Variants in E2F7 observed in about 807,000 individuals in gnomAD.
E2F7 encodes E2F transcription factor 7, also known as transcription factor E2F7.
Under a neutral mutation model 81.1 loss-of-function variants are expected in E2F7, and 35 were observed. The observed-to-expected ratio is 0.43, with a 90% CI of 0.33 to 0.57. E2F7 has a LOEUF of 0.57. Among genes scored for constraint, E2F7 ranks in the 20% least tolerant of loss-of-function variants. The pLI, the probability that E2F7 is intolerant of heterozygous loss-of-function variation, is 0.04. For synonymous variants in E2F7, 416 were observed against 416.2 expected (o/e 1.00, Z 0.01); for missense variants, 961 against 1,093.7 (o/e 0.88, Z 1.71).
intron 9 of E2F7, among the ~76,000 whole-genome samples, chr12:77,032,727 A>C (rs983374757): frequency 1.3e-5 from 2 of 152,188 alleles, no homozygotes; most frequent in African/African-American, 4.8e-5. Flanking sequence ...GGCAAAACCA[A>C]CTATGATAAT....
At chr12:77,064,966 C>A (rs1018438653) in intron 1 of E2F7, among the ~76,000 whole-genome samples, 1 of 152,126 alleles carries the variant, frequency 6.6e-6, no homozygotes, top group African/African-American at 2.4e-5. Context: ...ACAGGGTCTC[C>A]CAGGTCAGTT....
intron 8 of E2F7, 101 bp downstream of exon 8, chr12:77,033,756 A>G: frequency 1.6e-6 from 2 of 1,214,976 alleles, no homozygotes; most frequent in Non-Finnish European, 2.2e-6. Flanking sequence ...CAGGGCTGAG[A>G]GTCAGTTTGT....
chr12:77,052,772 A>G (rs1350335063), intron 3 of E2F7, among the ~76,000 whole-genome samples: 1 of 152,176 alleles, frequency 6.6e-6, no homozygotes, highest in Non-Finnish European at 1.5e-5. Context: ...CATAACATAT[A>G]TAATAAAGGT....
chr12:77,054,956 A>T (rs1248980721), intron 3 of E2F7, among the ~76,000 whole-genome samples: 16 of 152,082 alleles, frequency 1.1e-4, no homozygotes, highest in Non-Finnish European at 2.2e-4. Flanking sequence ...ATTTGAACCT[A>T]AGGCCTTAGA....
chr12:77,059,835 C>T (rs1955063909), intron 2 of E2F7, among the ~76,000 whole-genome samples: 1 of 151,830 alleles, frequency 6.6e-6, no homozygotes. Flanking sequence ...TGGTGGCGGG[C>T]GCCTGTAGTC....
chr12:77,045,023 C>G (rs148546574), intron 5 of E2F7, among the ~76,000 whole-genome samples: 1 of 152,214 alleles, frequency 6.6e-6, no homozygotes, highest in East Asian at 1.9e-4. Flanking sequence ...CTCTGAGATG[C>G]ATATTTTAAA....
chr12:77,026,484 G>A (rs962588213), intron 11 of E2F7, among the ~76,000 whole-genome samples: 4 of 151,488 alleles, frequency 2.6e-5, no homozygotes, highest in Non-Finnish European at 5.9e-5. Flanking sequence ...TTTATTTTTT[G>A]TAGAAACAGG....
intron 2 of E2F7, among the ~76,000 whole-genome samples, chr12:77,063,301 TAAGGA>T (rs1955092778): frequency 6.6e-6 from 1 of 152,170 alleles, no homozygotes; most frequent in Non-Finnish European, 1.5e-5. Flanking sequence ...GTTCTTGACT[TAAGGA>T]AAGAAAATCG....
In E2F7 at chr12:77,033,843, G is replaced by A; in HGVS notation, c.1309+14C>T. On this transcript the variant is annotated intron_variant, in intron 8 of 12. Transcript: ENST00000322886. The stretch of plus-strand genomic sequence containing the variant: ...GCAACTGATGGACTCCATAGATTAT[G>A]CAAGGGCAGATACCTTGTTCTTCTC... 6.3e-7 allele frequency: 1 copy of A among 1,583,990 alleles called. No individual in the cohort carries two copies. Among genetic ancestry groups the A allele is most frequent in the Non-Finnish European group, 8.6e-7 (1 of 1,165,706 alleles).
intron 4 of E2F7, 58 bp downstream of exon 4, chr12:77,050,518 G>A: frequency 6.3e-7 from 1 of 1,587,918 alleles, no homozygotes; most frequent in Non-Finnish European, 8.6e-7. Context: ...CCTGCCCAAG[G>A]AAACCAGTTT....
chr12:77,032,437 C>T (rs1048147314), intron 9 of E2F7, among the ~76,000 whole-genome samples: 2 of 152,216 alleles, frequency 1.3e-5, no homozygotes. Context: ...TTGTTAAACA[C>T]TTTTCTAATT....
At chr12:77,046,783 A>G (rs916734121) in intron 4 of E2F7, among the ~76,000 whole-genome samples, 10 of 152,238 alleles carry the variant, frequency 6.6e-5, no homozygotes, top group Non-Finnish European at 1.0e-4. Flanking sequence ...ACACTTCCCT[A>G]TTAGACAATA....
chr12:77,047,861 T>C (rs1954955815), intron 4 of E2F7, among the ~76,000 whole-genome samples: 1 of 152,206 alleles, frequency 6.6e-6, no homozygotes, highest in South Asian at 2.1e-4. Context: ...TTTATTCCAG[T>C]CTGTTTTCAT....
At chr12:77,062,207 T>A (rs1317103612) in intron 2 of E2F7, among the ~76,000 whole-genome samples, 1 of 152,176 alleles carries the variant, frequency 6.6e-6, no homozygotes, top group Non-Finnish European at 1.5e-5. Context: ...GTATTATATA[T>A]TGATTCCAAT....
intron 7 of E2F7, among the ~76,000 whole-genome samples, chr12:77,035,444 G>A (rs1245574453): frequency 6.6e-6 from 1 of 152,162 alleles, no homozygotes; most frequent in African/African-American, 2.4e-5. Flanking sequence ...GTTGCCAATG[G>A]CTACAGTAGA....
intron 6 of E2F7, chr12:77,044,402 TTC>T (rs1954922108): frequency 1.7e-6 from 1 of 583,864 alleles, no homozygotes; most frequent in East Asian, 3.1e-5. Context: ...CAGGATAGTG[TTC>T]TGTTTTTCAC....
rs772171788 is a variant in E2F7 at position 77,043,181 on chromosome 12, T to C, written c.1007A>G (p.Tyr336Cys). ...GCTGGTCAGAACATTGGCTATGTCA[T>C]AGAGGCGTCGTACCTTTGCTTGAAG... ...SKFKTKVRRL[Y>C]DIANVLTSLA... Residue 336 changes from tyrosine (Y) to cysteine (C), a missense_variant, in exon 7 of 13, where the codon TAT becomes TGT. This residue lies in a region of E2F7 where 301 missense variants were observed against 405.0 expected (regional missense o/e 0.74). Transcript: ENST00000322886. 1.2e-6 allele frequency: 2 copies of C among 1,614,036 alleles called. No homozygotes were observed. The highest frequency in any genetic ancestry group is 1.1e-5 in the South Asian group (1 of 91,084).
rs1955102973 is a variant in E2F7 at position 77,064,605 on chromosome 12, G to A, written c.31C>T (p.Leu11=). The A allele has an allele frequency of 2.5e-6, 4 of 1,613,934 alleles. No homozygotes were observed. The highest frequency in any genetic ancestry group is 1.7e-5 in the Admixed American group (1 of 59,998). The change falls in exon 2 of 13, where the codon CTG becomes TTG. Residue 11 remains leucine, a synonymous_variant. Coordinates refer to ENST00000322886, the MANE Select transcript of E2F7 (RefSeq NM_203394.3). MEVNCLTLKD[L]ISPRQPRLDF... is the part of the protein sequence containing the mutation. ...AGTCTGGGCTGCCTGGGGCTGATCA[G>A]GTCTTTTAGTGTTAAACAATTTACC...
intron 9 of E2F7, among the ~76,000 whole-genome samples, chr12:77,031,556 G>A (rs310828): frequency 0.27 from 41,533 of 152,012 alleles, 6,024 homozygotes; most frequent in Middle Eastern, 0.35. Context: ...CACAAGAATC[G>A]CTTGAACCCG....
Sources: allele counts gnomAD v4.1 joint callset (sites outside exome capture counted in the v4.1 genomes callset), GRCh38; gene constraint gnomAD v4.1.1; regional missense constraint gnomAD v4.1.1; transcripts MANE v1.5; gene names NCBI Gene and HGNC (gene_info 2026-07-23, HGNC 2026-07-21).